The following AFDN variants were observed in gnomAD, a reference collection of about 807,000 sequenced individuals.
AFDN encodes the protein afadin, adherens junction formation factor, also known as afadin.
Under a neutral mutation model 216.6 loss-of-function variants are expected in AFDN, and 68 were observed. That is an observed-to-expected ratio of 0.31 (90% confidence interval 0.26 to 0.38). AFDN has a LOEUF of 0.38. Among genes scored for constraint, AFDN ranks in the 10% least tolerant of loss-of-function variants. AFDN has a pLI of 1.00. For missense variants in AFDN, 2,136 were observed against 2,342.0 expected, an observed-to-expected ratio of 0.91 and a Z score of 1.82; for synonymous variants, 868 against 853.7, an observed-to-expected ratio of 1.02 and a Z score of -0.29.
chr6:167,912,472 T>G (rs1404977442), intron 15 of AFDN, among the ~76,000 whole-genome samples: 2 of 152,228 alleles, frequency 1.3e-5, no homozygotes, highest in Non-Finnish European at 2.9e-5. Flanking sequence ...AAGAAATGTT[T>G]CTTTTATATT....
chr6:167,832,085 G>T (rs1779888934), intron 1 of AFDN, among the ~76,000 whole-genome samples: 2 of 152,126 alleles, frequency 1.3e-5, no homozygotes, highest in Admixed American at 1.3e-4. Context: ...TTAGTTTTCT[G>T]GCTGATAGTA....
chr6:167,900,269 C>T (rs563115860), intron 11 of AFDN, among the ~76,000 whole-genome samples: 12 of 152,296 alleles, frequency 7.9e-5, no homozygotes, highest in Middle Eastern at 3.4e-3. Flanking sequence ...CTCACATACC[C>T]TCCAATGCAG....
intron 30 of AFDN, among the ~76,000 whole-genome samples, chr6:167,959,275 T>C (rs1406911602): frequency 6.6e-6 from 1 of 152,226 alleles, no homozygotes; most frequent in East Asian, 1.9e-4. Flanking sequence ...TAGCACTTAC[T>C]GAGGACCAGG....
intron 3 of AFDN, 27 bp downstream of exon 3, chr6:167,870,525 G>T: frequency 6.8e-7 from 1 of 1,476,864 alleles, no homozygotes; most frequent in South Asian, 1.2e-5. Flanking sequence ...TTTTATGACG[G>T]TCTTGGTCCA....
chr6:167,848,394 C>T (rs186931914), intron 1 of AFDN, among the ~76,000 whole-genome samples: 96 of 152,278 alleles, frequency 6.3e-4, no homozygotes, highest in African/African-American at 2.1e-3. Context: ...CTGCCTCCCC[C>T]AAGAAAACTA....
chr6:167,891,169 C>T (rs538899673), intron 8 of AFDN, 140 bp downstream of exon 8: 5 of 572,918 alleles, frequency 8.7e-6, no homozygotes, highest in African/African-American at 3.8e-5. Flanking sequence ...AAAAGTAACT[C>T]TCATAACATT....
chr6:167,860,159 CTTTTTTTTTTTTTTTT>C (rs370176215), intron 1 of AFDN, among the ~76,000 whole-genome samples: 1 of 79,370 alleles, frequency 1.3e-5, no homozygotes, highest in Non-Finnish European at 2.3e-5. Flanking sequence ...TACAGCAATG[CTTTTTTTTTTTTTTTT>C]TTTTTTTTTT....
At chr6:167,917,643 A>G (rs535787343) in intron 20 of AFDN, among the ~76,000 whole-genome samples, 7 of 152,338 alleles carry the variant, frequency 4.6e-5, no homozygotes, top group Non-Finnish European at 1.0e-4. Flanking sequence ...CCTGCCTCTC[A>G]GTAGGAGAAA....
chr6:167,962,548 A>T lies in AFDN; in HGVS notation c.4949A>T (p.Lys1650Ile), dbSNP rs1196528942. Residue 1650 changes from lysine to isoleucine, a missense_variant, in exon 31 of 34, where the codon AAA becomes ATA. Around this residue, in one of 8 missense-constraint regions of AFDN, gnomAD observed 981 missense variants for 966.0 expected, o/e 1.02. Coordinates refer to ENST00000683244, the MANE Select transcript of AFDN (RefSeq NM_001386888.1). This position sits in a 1 kb window ranked among gnomAD's most constrained non-coding sequence, Gnocchi z 5.2. Reference sequence around the variant, plus strand: ...CGGCGGCAGGAGGAGGAGCGAACAAAACGAGACGCTGAAGAAAAGGTTATG... The same window carrying T: ...CGGCGGCAGGAGGAGGAGCGAACAATACGAGACGCTGAAGAAAAGGTTATG... Reference protein sequence around the residue: ...ERRRQEEERTKRDAEEKRRQE... With the variant: ...ERRRQEEERTIRDAEEKRRQE... 1 of 1,613,814 alleles carries T rather than the reference A, an allele frequency of 6.2e-7. No individual in the cohort carries two copies. The highest frequency in any genetic ancestry group is 1.3e-5 in the African/African-American group (1 of 74,902).
rs765318922 is a variant in AFDN, at chr6:167,898,245, C to A, written c.1358C>A (p.Thr453Asn). The change falls in exon 11 of 34, where the codon ACC becomes AAC. Residue 453 changes from threonine (T) to asparagine (N), a missense_variant. Coordinates refer to ENST00000683244, the MANE Select transcript of AFDN (RefSeq NM_001386888.1). ...PGIQPHHCDL[T>N]NMDGVVTVTP... ...ATTCAGCCCCATCACTGTGACCTTACCAACATGGATGGAGTGGTCACTGTG... is the reference window on the plus strand; with the variant it reads ...ATTCAGCCCCATCACTGTGACCTTAACAACATGGATGGAGTGGTCACTGTG... 6.8e-6 allele frequency: 11 copies of A among 1,614,048 alleles called. No individual in the cohort carries two copies. In the African/African-American group the frequency reaches 1.1e-4, roughly 16 times the overall value.
At chr6:167,963,921 A>C in intron 31 of AFDN, 1 of 1,064,376 alleles carries the variant, frequency 9.4e-7, no homozygotes, top group African/African-American at 1.6e-5. Flanking sequence ...GTGCTTTTCC[A>C]GGTCAGTGCC....
chr6:167,942,273 A>G (rs1258901405), intron 23 of AFDN, among the ~76,000 whole-genome samples: 1 of 152,220 alleles, frequency 6.6e-6, no homozygotes. Flanking sequence ...GTTGAATCGT[A>G]TCTTCGTACC....
At chr6:167,967,859 G>A (rs1333755372) in intron 32 of AFDN, among the ~76,000 whole-genome samples, 2 of 152,104 alleles carry the variant, frequency 1.3e-5, no homozygotes, top group Non-Finnish European at 2.9e-5. Flanking sequence ...TTTGTGTCGC[G>A]AGCACTCTGG....
At chr6:167,828,595 A>G (rs993075283) in intron 1 of AFDN, among the ~76,000 whole-genome samples, 3 of 152,232 alleles carry the variant, frequency 2.0e-5, no homozygotes, top group African/African-American at 7.2e-5. Context: ...AGTTAGTACT[A>G]TGTACTTAAG....
intron 1 of AFDN, among the ~76,000 whole-genome samples, chr6:167,835,381 A>T (rs1428977962): frequency 6.6e-6 from 1 of 152,232 alleles, no homozygotes; most frequent in Non-Finnish European, 1.5e-5. Context: ...TCAAGTAAAA[A>T]AATGGTGTTC....
At chr6:167,885,716 G>C (rs924484791) in intron 6 of AFDN, among the ~76,000 whole-genome samples, 1 of 152,248 alleles carries the variant, frequency 6.6e-6, no homozygotes, top group African/African-American at 2.4e-5. Flanking sequence ...AATGCTGTTG[G>C]AAAAATGGCA....
chr6:167,890,788 C>T, intron 7 of AFDN, 74 bp from the exon 8 acceptor site: 5 of 1,432,632 alleles, frequency 3.5e-6, no homozygotes, highest in Admixed American at 2.1e-5. Context: ...AAGTTTTGCA[C>T]AGTTGACTGC....
At chr6:167,950,897 A>G (rs187932188) in intron 29 of AFDN, among the ~76,000 whole-genome samples, 8 of 144,672 alleles carry the variant, frequency 5.5e-5, no homozygotes, top group East Asian at 2.0e-4. Context: ...GACAGAGACT[A>G]TGTTACCCAG....
At position 167,951,412 on chromosome 6, in the gene AFDN, C is replaced by T. The variant is rs944182909; in HGVS notation, c.4058C>T (p.Pro1353Leu). 1 of 1,613,992 alleles carries T rather than the reference C, an allele frequency of 6.2e-7. No individual in the cohort carries two copies. Among genetic ancestry groups the T allele is most frequent in the Non-Finnish European group, 8.5e-7 (1 of 1,180,014 alleles). ...TKSGPGRWKT[P>L]AAIPATPVAV... ...AGTGGCCCTGGCCGTTGGAAAACAC[C>T]AGCAGCCATACCGGCCACCCCTGTG... is the stretch of plus-strand genomic sequence containing the variant. The change falls in exon 30 of 34, where the codon CCA becomes CTA. Residue 1353 changes from proline to leucine, a missense_variant. Pro to Leu is a moderately conservative substitution (Grantham distance 98). This residue lies in a region of AFDN where 981 missense variants were observed against 966.0 expected (regional missense o/e 1.02). Transcript: ENST00000683244. The surrounding 1 kb of genome is among the most constrained non-coding windows in gnomAD (Gnocchi z 7.1).
Sources: allele counts gnomAD v4.1 joint callset (sites outside exome capture counted in the v4.1 genomes callset), GRCh38; gene constraint gnomAD v4.1.1; regional missense constraint gnomAD v4.1.1; non-coding constraint Gnocchi (gnomAD v3.1); transcripts MANE v1.5; gene names NCBI Gene and HGNC (gene_info 2026-07-23, HGNC 2026-07-21).